The following EEA1 variants were observed in gnomAD, a reference collection of about 807,000 sequenced individuals.
The protein encoded by EEA1 is early endosome antigen 1.
Under a neutral mutation model 209.2 loss-of-function variants are expected in EEA1, and 111 were observed. The observed-to-expected ratio is 0.53, with a 90% CI of 0.45 to 0.62. The LOEUF (loss-of-function observed/expected upper bound fraction) is 0.62. EEA1 is among the 20% of genes least tolerant of loss of function. The pLI is 0.00. For synonymous variants in EEA1, 536 were observed against 540.6 expected (o/e 0.99, Z 0.12); for missense variants, 1,343 against 1,530.8 (o/e 0.88, Z 2.05).
At chr12:92,876,369 T>A (rs1035713808) in intron 2 of EEA1, among the ~76,000 whole-genome samples, 1 of 152,092 alleles carries the variant, frequency 6.6e-6, no homozygotes, top group African/African-American at 2.4e-5. Flanking sequence ...GGCCAATACA[T>A]GTTTAGTATG....
chr12:92,773,724 C>T lies in EEA1; in HGVS notation c.*2287G>A, dbSNP rs1348594463. 6.6e-6 allele frequency: 1 copy of T among 151,390 alleles called. No individual in the cohort carries two copies. The highest frequency in any genetic ancestry group is 1.5e-5 in the Non-Finnish European group (1 of 67,562). 9.4% of individuals were successfully genotyped at this position (151,390 alleles called of 1,614,324 possible). A position where few individuals can be genotyped will look rare whatever the true frequency, so the allele number is the denominator to read the frequency against. The stretch of plus-strand genomic sequence containing the variant: ...CAGCCAATAAGGACTTCAAAGATGA[C>T]TTTTTAATTAAAAGGAAAAAAATTT... On this transcript the variant is annotated 3_prime_UTR_variant, in exon 29 of 29. Transcript: ENST00000322349.
At chr12:92,800,784 G>A (rs188720905) in intron 20 of EEA1, among the ~76,000 whole-genome samples, 16 of 152,282 alleles carry the variant, frequency 1.1e-4, no homozygotes, top group Middle Eastern at 3.4e-3. Context: ...AAAAGATGGC[G>A]AAATGGCATA....
rs144798530 is a variant in EEA1, at chr12:92,820,235, C to T, written c.1525-724G>A. Among the ~76,000 whole-genome samples the T allele has an allele frequency of 2.3e-3, 345 of 152,190 alleles. 1 individual carries two copies. Among genetic ancestry groups the T allele is most frequent in the African/African-American group, 7.9e-3 (327 of 41,518 alleles). Reference sequence around the variant, plus strand: ...GATTCCACTCTAAATCACATATACCCGCAGGCTCACTTCAATACCCCAAAA... The same window carrying T: ...GATTCCACTCTAAATCACATATACCTGCAGGCTCACTTCAATACCCCAAAA... On this transcript the variant is annotated intron_variant, in intron 13 of 28. Coordinates refer to ENST00000322349, the MANE Select transcript of EEA1 (RefSeq NM_003566.4).
rs1565814074 is a variant in EEA1 at position 92,802,568 on chromosome 12, T to C, written c.2506A>G (p.Thr836Ala). The change falls in exon 19 of 29, where the codon ACA becomes GCA. Residue 836 changes from threonine to alanine, a missense_variant. Thr to Ala is a moderately conservative substitution (Grantham distance 58). Coordinates refer to ENST00000322349, the MANE Select transcript of EEA1 (RefSeq NM_003566.4). ...ACTTTTTGTAGTTCTGTTACTGTTG[T>C]TTGAATTCTGTTATTCAATTCCTCA... ...QHEELNNRIQ[T>A]TVTELQKVKM... 6.2e-7 allele frequency: 1 copy of C among 1,602,002 alleles called. No individual in the cohort carries two copies. The highest frequency in any genetic ancestry group is 8.5e-7 in the Non-Finnish European group (1 of 1,176,476).
intron 2 of EEA1, among the ~76,000 whole-genome samples, chr12:92,872,928 T>G (rs1878718375): frequency 6.6e-6 from 1 of 152,068 alleles, no homozygotes; most frequent in Non-Finnish European, 1.5e-5. Flanking sequence ...CACTCCAGCC[T>G]GGGTGACAGA....
In EEA1 at chr12:92,801,601, T is replaced by A. The variant is rs1486711437; in HGVS notation, c.2771A>T (p.Glu924Val). ...TATGTTACAAAAAAAAAATCTTACC[T>A]CCTTCTCTTTTTCAAGTGACTTTTT... ...ELKKSLEKEK[E>V]ASHQLKLELN... The change falls in exon 20 of 29, where the codon GAG becomes GTG. Residue 924 changes from glutamate (E) to valine (V), a missense_variant and splice_region_variant. Transcript: ENST00000322349. The A allele has an allele frequency of 6.3e-7, 1 of 1,577,742 alleles. No homozygotes were observed. The highest frequency in any genetic ancestry group is 1.4e-5 in the African/African-American group (1 of 72,970).
In EEA1 at chr12:92,772,927, AT is replaced by A. The variant is rs1449816403; in HGVS notation, c.*3083del. Reference sequence around the variant, plus strand: ...GTGACTTCTAATTCTATTTTATACAATTTTACATAAATTTAGTAAGTTTATG... The same window carrying A: ...GTGACTTCTAATTCTATTTTATACAATTTACATAAATTTAGTAAGTTTATG... On this transcript the variant is annotated 3_prime_UTR_variant, in exon 29 of 29. Transcript: ENST00000322349. The A allele has an allele frequency of 6.6e-6, 1 of 152,268 alleles. No homozygotes were observed. The highest frequency in any genetic ancestry group is 1.5e-5 in the Non-Finnish European group (1 of 67,748). The allele number at this position is 152,268 out of a possible 1,614,324, so 9.4% of individuals were successfully genotyped here.
intron 10 of EEA1, among the ~76,000 whole-genome samples, chr12:92,834,669 C>T (rs572556256): frequency 6.6e-6 from 1 of 150,492 alleles, no homozygotes; most frequent in East Asian, 1.9e-4. Context: ...TTTGACTAAG[C>T]AACAAAAACA....
intron 1 of EEA1, among the ~76,000 whole-genome samples, chr12:92,924,394 A>G (rs1333104750): frequency 3.3e-5 from 5 of 151,948 alleles, no homozygotes; most frequent in Admixed American, 2.6e-4. Flanking sequence ...TTTTTAGTAG[A>G]GACGGGGTTT....
At chr12:92,883,800 G>C in intron 2 of EEA1, 2 of 1,568,376 alleles carry the variant, frequency 1.3e-6, no homozygotes, top group South Asian at 2.2e-5. Flanking sequence ...CTCCTAAAGA[G>C]CCCGAACAGC....
chr12:92,798,812 T>C, intron 21 of EEA1, 80 bp downstream of exon 21: 2 of 1,062,754 alleles, frequency 1.9e-6, no homozygotes, highest in East Asian at 2.7e-5. Flanking sequence ...TTGCAACTTA[T>C]CCATCTGTAT....
chr12:92,907,995 C>T (rs917299658), intron 1 of EEA1, among the ~76,000 whole-genome samples: 2 of 152,066 alleles, frequency 1.3e-5, no homozygotes, highest in African/African-American at 4.8e-5. Context: ...AAAATTAAAA[C>T]CTAAATGAAC....
intron 13 of EEA1, among the ~76,000 whole-genome samples, chr12:92,822,910 A>C (rs1876123883): frequency 6.6e-6 from 1 of 152,056 alleles, no homozygotes; most frequent in African/African-American, 2.4e-5. Context: ...ACATTCACTA[A>C]CACAGCTGAT....
intron 12 of EEA1, 46 bp downstream of exon 12, chr12:92,827,865 GT>G: frequency 6.9e-7 from 1 of 1,456,466 alleles, no homozygotes; most frequent in Non-Finnish European, 9.1e-7. Context: ...TCATAATCAT[GT>G]TAAAGATGCC....
chr12:92,810,966 A>G (rs1034805485), intron 17 of EEA1, among the ~76,000 whole-genome samples: 3 of 152,130 alleles, frequency 2.0e-5, no homozygotes, highest in Non-Finnish European at 4.4e-5. Context: ...ACTTCACAAC[A>G]AAAAATTGAG....
chr12:92,799,457 A>G (rs1335655205), intron 20 of EEA1, among the ~76,000 whole-genome samples: 1 of 152,148 alleles, frequency 6.6e-6, no homozygotes, highest in Non-Finnish European at 1.5e-5. Flanking sequence ...GTATGTCAAC[A>G]TCAATGTCTA....
In EEA1 at chr12:92,772,495, T is replaced by C. The variant is rs185899905; in HGVS notation, c.*3516A>G. ...TTTTGTTAGACAAAACAATTTATAG[T>C]CACAGAATACAACTAGTTTAGAAAG... On this transcript the variant is annotated 3_prime_UTR_variant, in exon 29 of 29. Transcript: ENST00000322349. 2 of 151,946 alleles carry C rather than the reference T, an allele frequency of 1.3e-5. No individual in the cohort carries two copies. Among genetic ancestry groups the C allele is most frequent in the Admixed American group, 1.3e-4 (2 of 15,218 alleles). The allele number at this position is 151,946 out of a possible 1,614,324, so 9.4% of individuals were successfully genotyped here.
At chr12:92,784,373 G>A (rs991512755) in intron 22 of EEA1, among the ~76,000 whole-genome samples, 6 of 152,184 alleles carry the variant, frequency 3.9e-5, no homozygotes, top group African/African-American at 1.4e-4. Flanking sequence ...GTCACAAAGG[G>A]TGAGAGTGAT....
Position 92,771,336 on chromosome 12 carries a change from T to C in EEA1, c.*4675A>G, listed in dbSNP as rs1393032206. ...GAGAGGATAATGTTTGGGCAAGTCA[T>C]GTGCCCAGTAATTCCTTGAGGAAGG... On this transcript the variant is annotated 3_prime_UTR_variant, in exon 29 of 29. Coordinates refer to ENST00000322349, the MANE Select transcript of EEA1 (RefSeq NM_003566.4). 3 of 152,060 alleles carry C rather than the reference T, an allele frequency of 2.0e-5. No individual in the cohort carries two copies. Among genetic ancestry groups the C allele is most frequent in the Admixed American group, 2.0e-4 (3 of 15,252 alleles). The allele number at this position is 152,060 out of a possible 1,614,324, so 9.4% of individuals were successfully genotyped here. A position where few individuals can be genotyped will look rare whatever the true frequency, so the allele number is the denominator to read the frequency against.
Sources: gnomAD v4.1 joint callset for allele counts (sites outside exome capture counted in the v4.1 genomes callset) on GRCh38, gnomAD v4.1.1 for gene constraint, MANE v1.5 for transcripts, NCBI Gene and HGNC (gene_info 2026-07-23, HGNC 2026-07-21) for gene names.